HERC3: variants seen among roughly 807,000 people sequenced by gnomAD.
HERC3 encodes the protein HECT and RLD domain containing E3 ubiquitin protein ligase 3.
A neutral mutation model predicts 129.9 loss-of-function variants in HERC3; 58 were observed. That is an observed-to-expected ratio of 0.45 (90% CI 0.36 to 0.56). The LOEUF (loss-of-function observed/expected upper bound fraction) is 0.56, where lower values mean the gene tolerates loss of function less well. Ranked by LOEUF, HERC3 falls within the 20% of genes least tolerant of loss-of-function variation. The pLI is 0.00. For missense variants in HERC3, 835 were observed against 1,244.2 expected, an observed-to-expected ratio of 0.67 and a Z score of 4.95; for synonymous variants, 430 against 451.0, an observed-to-expected ratio of 0.95 and a Z score of 0.59.
intron 2 of HERC3, among the ~76,000 whole-genome samples, chr4:88,596,964 C>G (rs765513074): frequency 1.3e-5 from 2 of 152,212 alleles, no homozygotes; most frequent in Non-Finnish European, 2.9e-5. Flanking sequence ...TGACTCAACA[C>G]TTTTTAAGAT....
intron 10 of HERC3, among the ~76,000 whole-genome samples, chr4:88,661,215 G>A (rs1210353778): frequency 6.6e-6 from 1 of 152,232 alleles, no homozygotes. Flanking sequence ...GACAATCTCT[G>A]TGTGTACTCC....
the HERC3 span, among the ~76,000 whole-genome samples, chr4:88,527,406 C>T: frequency 6.6e-6 from 1 of 152,036 alleles, no homozygotes; most frequent in Non-Finnish European, 1.5e-5. Context: ...CACACACATG[C>T]ACCACCACAC....
At chr4:88,617,231 C>T (rs1449866428) in intron 3 of HERC3, among the ~76,000 whole-genome samples, 2 of 143,978 alleles carry the variant, frequency 1.4e-5, no homozygotes, top group African/African-American at 5.2e-5. Context: ...GAGGACAAGT[C>T]ACAACAGCAT....
chr4:88,671,139 G>A (rs1731573796), intron 16 of HERC3, among the ~76,000 whole-genome samples: 1 of 152,076 alleles, frequency 6.6e-6, no homozygotes, highest in Non-Finnish European at 1.5e-5. Flanking sequence ...TAGCACACCA[G>A]CTTGGGATAT....
chr4:88,611,830 G>A (rs1421992654), intron 3 of HERC3, among the ~76,000 whole-genome samples: 1 of 152,204 alleles, frequency 6.6e-6, no homozygotes, highest in African/African-American at 2.4e-5. Context: ...GCATGGGTAT[G>A]GTCATCTAGC....
At chr4:88,702,750 C>T (rs1189570974) in intron 23 of HERC3, among the ~76,000 whole-genome samples, 1 of 152,212 alleles carries the variant, frequency 6.6e-6, no homozygotes, top group East Asian at 1.9e-4. Flanking sequence ...ATTACCTACC[C>T]GCTAGCACAG....
intron 7 of HERC3, among the ~76,000 whole-genome samples, chr4:88,654,383 T>TACAC (rs1468574830): frequency 4.8e-5 from 5 of 103,642 alleles, no homozygotes; most frequent in African/African-American, 1.6e-4. Context: ...TATATATATA[T>TACAC]ATATACACAC....
chr4:88,699,824 G>GT (rs1735164253), intron 23 of HERC3, among the ~76,000 whole-genome samples: 2 of 152,238 alleles, frequency 1.3e-5, no homozygotes, highest in African/African-American at 4.8e-5. Flanking sequence ...AAACCAGACT[G>GT]TTTTTTAAAA....
chr4:88,639,192 A>G (rs1041570496), intron 3 of HERC3, among the ~76,000 whole-genome samples: 35 of 152,216 alleles, frequency 2.3e-4, no homozygotes, highest in African/African-American at 8.0e-4. Flanking sequence ...ATTCAGTGCT[A>G]TTCCCATCAA....
At chr4:88,687,811 T>C (rs918236935) in intron 23 of HERC3, among the ~76,000 whole-genome samples, 1 of 152,246 alleles carries the variant, frequency 6.6e-6, no homozygotes, top group African/African-American at 2.4e-5. Context: ...TGATTTGTCA[T>C]AGAGTCTGGA....
chr4:88,664,298 GT>G, intron 12 of HERC3, 86 bp downstream of exon 12: 1 of 1,122,800 alleles, frequency 8.9e-7, no homozygotes, highest in Non-Finnish European at 1.3e-6. Context: ...GATTGCTTGA[GT>G]TTAGGAGTTT....
the HERC3 span, among the ~76,000 whole-genome samples, chr4:88,569,949 G>A: frequency 6.6e-6 from 1 of 152,198 alleles, no homozygotes; most frequent in South Asian, 2.1e-4. Flanking sequence ...AATTCCAAGT[G>A]GGTGGGAACA....
chr4:88,615,874 T>C (rs568318530), intron 3 of HERC3, among the ~76,000 whole-genome samples: 4 of 152,332 alleles, frequency 2.6e-5, no homozygotes, highest in African/African-American at 9.6e-5. Context: ...ATTATCATTA[T>C]TTGTAGTAGC....
intron 3 of HERC3, 59 bp downstream of exon 3, chr4:88,606,108 G>A (rs1578152255): frequency 7.3e-7 from 1 of 1,365,926 alleles, no homozygotes; most frequent in East Asian, 2.4e-5. Flanking sequence ...AGGACACAAT[G>A]GCAGAGGGCC....
At chr4:88,631,555 T>G (rs1432793267) in intron 3 of HERC3, among the ~76,000 whole-genome samples, 1 of 152,234 alleles carries the variant, frequency 6.6e-6, no homozygotes, top group Admixed American at 6.5e-5. Context: ...TGTTTAAAGT[T>G]GGTCAGTAAT....
chr4:88,704,668 TA>T, intron 25 of HERC3, 58 bp downstream of exon 25: 1 of 1,009,516 alleles, frequency 9.9e-7, no homozygotes, highest in South Asian at 1.3e-5. Context: ...ACATACAGTA[TA>T]GGATGACATG....
At chr4:88,565,290 T>G in the HERC3 span, among the ~76,000 whole-genome samples, 1 of 152,136 alleles carries the variant, frequency 6.6e-6, no homozygotes, top group Admixed American at 6.6e-5. Flanking sequence ...GTTGCTTTGT[T>G]GATTTTCTGT....
In HERC3 at chr4:88,662,508, A is replaced by G; in HGVS notation, c.1224A>G (p.Ala408=). 6.2e-7 allele frequency: 1 copy of G among 1,613,694 alleles called. No homozygotes were observed. Among genetic ancestry groups the G allele is most frequent in the Non-Finnish European group, 8.5e-7 (1 of 1,179,704 alleles). ...YTSLINDETI[A]VWRQKLSEHN... is the part of the protein sequence containing the mutation. ...GTTTAATAAATGATGAAACCATAGCAGTTTGGAGACAAAAACTCTCAGAAC... is the reference window on the plus strand; with the variant it reads ...GTTTAATAAATGATGAAACCATAGCGGTTTGGAGACAAAAACTCTCAGAAC... The change falls in exon 11 of 26, where the codon GCA becomes GCG. Residue 408 remains alanine, a synonymous_variant. Transcript: ENST00000402738.
chr4:88,574,777 T>C, the HERC3 span, among the ~76,000 whole-genome samples: 16 of 152,194 alleles, frequency 1.1e-4, no homozygotes, highest in Middle Eastern at 3.2e-3. Context: ...GAATATTCCA[T>C]TGTATGCATA....
Sources: gnomAD v4.1 joint callset for allele counts (sites outside exome capture counted in the v4.1 genomes callset) on GRCh38, gnomAD v4.1.1 for gene constraint, MANE v1.5 for transcripts, NCBI Gene and HGNC (gene_info 2026-07-23, HGNC 2026-07-21) for gene names.